DLC1: variants seen among roughly 807,000 people sequenced by gnomAD.
DLC1 encodes DLC1 Rho GTPase activating protein, also known as rho GTPase-activating protein 7.
A neutral mutation model predicts 140.3 loss-of-function variants in DLC1; 54 were observed. The observed-to-expected ratio is 0.38, with a 90% confidence interval of 0.31 to 0.48. The LOEUF (loss-of-function observed/expected upper bound fraction) is 0.48, where lower values mean the gene tolerates loss of function less well. DLC1 is among the 20% of genes least tolerant of loss of function. The pLI is 0.96. For missense variants in DLC1, 2,536 were observed against 1,907.0 expected (o/e 1.33, Z -6.14); for synonymous variants, 986 against 728.1 (o/e 1.35, Z -5.70).
Position 13,599,882 on chromosome 8 carries a change from G to GA in DLC1, c.-126+4654dup, listed in dbSNP as rs911509462. Among the ~76,000 whole-genome samples the GA allele has an allele frequency of 2.5e-4, 38 of 151,756 alleles. 2 individuals are homozygous for GA. The highest frequency in any genetic ancestry group is 1.6e-3 in the Admixed American group (24 of 15,198). On this transcript the variant is annotated intron_variant, in intron 1 of 1. Transcript: ENST00000631382. ...TAACTAAAATGTATAGTTGAGAAGGGAAAAAAATCTCAAACTTACTATATA... is the reference window on the plus strand; with the variant it reads ...TAACTAAAATGTATAGTTGAGAAGGGAAAAAAAATCTCAAACTTACTATATA...
At chr8:13,347,687 A>T (rs979085645) in intron 4 of DLC1, among the ~76,000 whole-genome samples, 3 of 152,194 alleles carry the variant, frequency 2.0e-5, no homozygotes, top group African/African-American at 7.2e-5. Context: ...CAAATTGGGA[A>T]AGATGGACAG....
At chr8:13,302,207 A>G (rs975473300) in intron 5 of DLC1, among the ~76,000 whole-genome samples, 2 of 152,298 alleles carry the variant, frequency 1.3e-5, no homozygotes, top group African/African-American at 4.8e-5. Flanking sequence ...GAAATTCTCA[A>G]TTGAGAAGAG....
At chr8:13,490,341 A>G (rs1409404824) in intron 2 of DLC1, among the ~76,000 whole-genome samples, 1 of 152,242 alleles carries the variant, frequency 6.6e-6, no homozygotes, top group African/African-American at 2.4e-5. Flanking sequence ...TCTCCCAGTT[A>G]CTTATATTTC....
At chr8:13,263,815 T>A (rs753050394) in intron 5 of DLC1, among the ~76,000 whole-genome samples, 1 of 151,622 alleles carries the variant, frequency 6.6e-6, no homozygotes, top group Non-Finnish European at 1.5e-5. Context: ...GTAATATATG[T>A]TGAACTTTGG....
chr8:13,256,898 A>G (rs1395687040), intron 5 of DLC1, among the ~76,000 whole-genome samples: 1 of 151,796 alleles, frequency 6.6e-6, no homozygotes, highest in Non-Finnish European at 1.5e-5. Flanking sequence ...AAAAAAAAAA[A>G]AGGCAGAGGC....
intron 4 of DLC1, among the ~76,000 whole-genome samples, chr8:13,318,094 C>G (rs1832927835): frequency 6.6e-6 from 1 of 152,104 alleles, no homozygotes. Flanking sequence ...GTGGTATGAT[C>G]ATAGCTCACT....
intron 2 of DLC1, among the ~76,000 whole-genome samples, chr8:13,469,020 G>A (rs1021872646): frequency 5.3e-5 from 8 of 151,396 alleles, no homozygotes; most frequent in African/African-American, 1.9e-4. Context: ...GGGGTTTCAC[G>A]ATGTTGGCCA....
chr8:13,334,364 C>A (rs1283606557), intron 4 of DLC1, among the ~76,000 whole-genome samples: 1 of 152,038 alleles, frequency 6.6e-6, no homozygotes, highest in Non-Finnish European at 1.5e-5. Context: ...CAGGGACAGG[C>A]CAGATCTGTG....
At chr8:13,433,881 G>C (rs902605211) in intron 2 of DLC1, among the ~76,000 whole-genome samples, 2 of 152,210 alleles carry the variant, frequency 1.3e-5, no homozygotes, top group African/African-American at 4.8e-5. Flanking sequence ...TTGAGATGGA[G>C]TTTCACTCTT....
At chr8:13,133,212 G>T (rs1168684258) in intron 5 of DLC1, 2 of 1,420,898 alleles carry the variant, frequency 1.4e-6, no homozygotes, top group Non-Finnish European at 9.2e-7. Flanking sequence ...TCCGTGAGCC[G>T]GCGCTCCTGA....
chr8:13,401,579 A>T lies in DLC1; in HGVS notation c.1064T>A (p.Met355Lys). The stretch of plus-strand genomic sequence containing the variant: ...GTCCAGTTTCATAATCAGCAGCACC[A>T]TGGAGTCCAGCCGCGCCCTATCTCG... ...EDRDRARLDS[M>K]VLLIMKLDQL... Residue 355 changes from methionine (M) to lysine (K), a missense_variant, in exon 3 of 18, where the codon ATG becomes AAG. Coordinates refer to ENST00000276297, the MANE Select transcript of DLC1 (RefSeq NM_182643.3). 4 of 1,613,866 alleles carry T rather than the reference A, an allele frequency of 2.5e-6. No homozygotes were observed. Among genetic ancestry groups the T allele is most frequent in the Non-Finnish European group, 3.4e-6 (4 of 1,179,992 alleles).
At chr8:13,265,535 G>T (rs149728920) in intron 5 of DLC1, among the ~76,000 whole-genome samples, 174 of 152,292 alleles carry the variant, frequency 1.1e-3, no homozygotes, top group African/African-American at 4.0e-3. Flanking sequence ...TGAGAGCTCG[G>T]AATGTGTGTG....
chr8:13,441,681 T>A (rs559865613), intron 2 of DLC1, among the ~76,000 whole-genome samples: 42 of 152,182 alleles, frequency 2.8e-4, no homozygotes, highest in African/African-American at 9.4e-4. Context: ...CAAGGAGAAC[T>A]ACAAACCACT....
intron 5 of DLC1, among the ~76,000 whole-genome samples, chr8:13,166,143 C>A (rs1377753060): frequency 6.6e-6 from 1 of 152,122 alleles, no homozygotes; most frequent in Non-Finnish European, 1.5e-5. Flanking sequence ...AGAACCCTGG[C>A]ATCTTTTTTG....
At chr8:13,420,349 C>A (rs1433090916) in intron 2 of DLC1, among the ~76,000 whole-genome samples, 1 of 152,046 alleles carries the variant, frequency 6.6e-6, no homozygotes, top group Non-Finnish European at 1.5e-5. Flanking sequence ...TTGGTAGAGA[C>A]TTACGCTACA....
intron 5 of DLC1, chr8:13,133,246 T>C: frequency 7.3e-7 from 1 of 1,368,460 alleles, no homozygotes; most frequent in Non-Finnish European, 9.4e-7. Flanking sequence ...GGCCATGTCC[T>C]GGCTGGGAGC....
chr8:13,556,653 C>T (rs535004192), intron 1 of DLC1, among the ~76,000 whole-genome samples: 1 of 152,128 alleles, frequency 6.6e-6, no homozygotes, highest in Non-Finnish European at 1.5e-5. Context: ...GGGCCTGATA[C>T]AGACATAGGC....
intron 7 of DLC1, among the ~76,000 whole-genome samples, chr8:13,109,972 C>A (rs1314228591): frequency 1.3e-5 from 2 of 152,066 alleles, no homozygotes; most frequent in East Asian, 3.9e-4. Context: ...ATAATCAAAT[C>A]AACCTATGTG....
At chr8:13,463,659 C>T (rs1799784456) in intron 2 of DLC1, among the ~76,000 whole-genome samples, 1 of 152,150 alleles carries the variant, frequency 6.6e-6, no homozygotes, top group Admixed American at 6.5e-5. Context: ...CACTTCTGGT[C>T]ATGGGGAAAG....
Sources: gnomAD v4.1 joint callset for allele counts (sites outside exome capture counted in the v4.1 genomes callset) on GRCh38, gnomAD v4.1.1 for gene constraint, MANE v1.5 for transcripts, NCBI Gene and HGNC (gene_info 2026-07-23, HGNC 2026-07-21) for gene names.